Variants in SNTG1 observed in about 807,000 individuals in gnomAD.
SNTG1 encodes syntrophin gamma 1, also known as gamma-1-syntrophin.
SNTG1 carries 39 observed loss-of-function variants against 74.7 expected under a neutral mutation model. The observed-to-expected ratio is 0.52, with a 90% CI of 0.40 to 0.68. SNTG1 has a LOEUF of 0.68. Ranked by LOEUF, SNTG1 falls within the 30% of genes least tolerant of loss-of-function variation. The pLI is 0.00. For missense variants in SNTG1, 685 were observed against 609.5 expected (o/e 1.12, Z -1.30); for synonymous variants, 254 against 217.1 (o/e 1.17, Z -1.49).
At chr8:50,089,889 C>G (rs1204589805) in intron 1 of SNTG1, among the ~76,000 whole-genome samples, 1 of 152,154 alleles carries the variant, frequency 6.6e-6, no homozygotes, top group Non-Finnish European at 1.5e-5. Context: ...CCATTTGACC[C>G]AGCCATCCCA....
chr8:50,102,323 T>A (rs994842641), intron 1 of SNTG1, among the ~76,000 whole-genome samples: 3 of 152,026 alleles, frequency 2.0e-5, no homozygotes, highest in Non-Finnish European at 4.4e-5. Flanking sequence ...TGATGAGCAT[T>A]TTTTCATGTG....
At chr8:50,472,338 C>T (rs1192948439) in intron 8 of SNTG1, among the ~76,000 whole-genome samples, 2 of 152,128 alleles carry the variant, frequency 1.3e-5, no homozygotes, top group Non-Finnish European at 2.9e-5. Flanking sequence ...GATATAAAGA[C>T]AGGCGCCACA....
intron 1 of SNTG1, among the ~76,000 whole-genome samples, chr8:49,998,587 G>GACACAC (rs56162374): frequency 0.13 from 17,434 of 136,798 alleles, 1,127 homozygotes; most frequent in South Asian, 0.3. Flanking sequence ...TAAAAATTAA[G>GACACAC]ACACACACAC....
intron 15 of SNTG1, among the ~76,000 whole-genome samples, chr8:50,697,695 A>G (rs902434799): frequency 6.6e-6 from 1 of 152,142 alleles, no homozygotes; most frequent in African/African-American, 2.4e-5. Context: ...TGAGATGATC[A>G]TATGATTTTT....
intron 1 of SNTG1, among the ~76,000 whole-genome samples, chr8:49,915,700 A>C (rs969905548): frequency 8.5e-5 from 13 of 152,198 alleles, no homozygotes; most frequent in African/African-American, 3.1e-4. Context: ...ATTGATAAGG[A>C]AACTCATACG....
At chr8:50,225,574 A>C (rs1052911116) in intron 2 of SNTG1, among the ~76,000 whole-genome samples, 1 of 152,096 alleles carries the variant, frequency 6.6e-6, no homozygotes, top group Non-Finnish European at 1.5e-5. Flanking sequence ...CTATTGCCCA[A>C]TCACCTTGGG....
At chr8:50,245,942 T>C (rs949390314) in intron 2 of SNTG1, among the ~76,000 whole-genome samples, 4 of 151,968 alleles carry the variant, frequency 2.6e-5, no homozygotes, top group African/African-American at 4.8e-5. Context: ...ATCCCTTTTG[T>C]CCTCAAATTA....
chr8:50,583,144 G>A (rs565555032), intron 12 of SNTG1, among the ~76,000 whole-genome samples: 61 of 152,150 alleles, frequency 4.0e-4, no homozygotes, highest in African/African-American at 1.3e-3. Context: ...GCTCATGCCT[G>A]TAATCTTAAG....
intron 4 of SNTG1, among the ~76,000 whole-genome samples, chr8:50,415,031 C>T (rs995462952): frequency 1.3e-5 from 2 of 152,130 alleles, no homozygotes; most frequent in Non-Finnish European, 2.9e-5. Context: ...TTCTCTAATT[C>T]ACTTTGTCTA....
intron 2 of SNTG1, chr8:50,380,911 G>C (rs1416313347): frequency 6.6e-6 from 1 of 152,168 alleles, no homozygotes; most frequent in Non-Finnish European, 1.5e-5. Flanking sequence ...GTCAGGAAAT[G>C]TTCAGCTTCA....
chr8:50,702,703 T>A (rs1297917724), intron 15 of SNTG1, among the ~76,000 whole-genome samples: 2 of 152,162 alleles, frequency 1.3e-5, no homozygotes, highest in Non-Finnish European at 2.9e-5. Flanking sequence ...TGCCTCTCAG[T>A]TAGATGGTTC....
chr8:50,681,644 C>A (rs184051311), intron 15 of SNTG1, among the ~76,000 whole-genome samples: 1 of 152,076 alleles, frequency 6.6e-6, no homozygotes. Context: ...TGTAAAACAA[C>A]GAGAGAGGAG....
intron 2 of SNTG1, among the ~76,000 whole-genome samples, chr8:50,351,701 A>G (rs2091667530): frequency 6.6e-6 from 1 of 152,228 alleles, no homozygotes. Context: ...GAGGAGTTAC[A>G]AAGAGCAGAG....
intron 2 of SNTG1, among the ~76,000 whole-genome samples, chr8:50,227,953 A>G (rs915017380): frequency 4.7e-5 from 7 of 148,880 alleles, no homozygotes; most frequent in African/African-American, 1.5e-4. Flanking sequence ...CAACACCATT[A>G]TAAGCAAAAC....
At chr8:49,926,120 C>G (rs1371842184) in intron 1 of SNTG1, among the ~76,000 whole-genome samples, 1 of 152,006 alleles carries the variant, frequency 6.6e-6, no homozygotes, top group Non-Finnish European at 1.5e-5. Flanking sequence ...ATATATAATA[C>G]TGTAAAACAA....
chr8:50,543,273 T>C (rs1190819938), intron 11 of SNTG1, among the ~76,000 whole-genome samples: 1 of 152,200 alleles, frequency 6.6e-6, no homozygotes, highest in African/African-American at 2.4e-5. Context: ...GGGATAGGGC[T>C]CTAGTTTCAT....
rs1157234960 is a variant in SNTG1 at position 50,206,125 on chromosome 8, T to G, written c.-28+33490T>G. Among the ~76,000 whole-genome samples, 7 of 152,214 alleles carry G rather than the reference T, an allele frequency of 4.6e-5. No individual in the cohort carries two copies. The East Asian group carries it at 5.8e-4, about 13-fold the overall frequency. ...TGAAGAAAGTCATTGGTAGCTTGAT[T>G]GGGATGGCATTGAATCTATAAATTA... On this transcript the variant is annotated intron_variant, in intron 2 of 18. Coordinates refer to ENST00000642720, the MANE Select transcript of SNTG1 (RefSeq NM_018967.5).
rs78840993 is a variant in SNTG1 at position 50,304,782 on chromosome 8, G to T, written c.-27-89430G>T. 2.0e-4 allele frequency among the ~76,000 whole-genome samples: 31 copies of T among 152,238 alleles called. No individual in the cohort carries two copies. In the East Asian group the frequency reaches 6.0e-3, roughly 29 times the overall value. On this transcript the variant is annotated intron_variant, in intron 2 of 18. Transcript: ENST00000642720. ...ATCATTTCATGATGATCCACCATCG[G>T]ATAGAATTTGTGTGACCACTATTTC...
At chr8:50,650,061 T>C (rs2095135281) in intron 13 of SNTG1, among the ~76,000 whole-genome samples, 1 of 151,860 alleles carries the variant, frequency 6.6e-6, no homozygotes, top group Admixed American at 6.6e-5. Flanking sequence ...TATTCCTGTA[T>C]TGTTACTGAT....
Sources: allele counts gnomAD v4.1 joint callset (sites outside exome capture counted in the v4.1 genomes callset), GRCh38; gene constraint gnomAD v4.1.1; transcripts MANE v1.5; gene names NCBI Gene and HGNC (gene_info 2026-07-23, HGNC 2026-07-21).